The following C5orf34 variants were observed in gnomAD, a reference collection of about 807,000 sequenced individuals.
C5orf34 encodes chromosome 5 open reading frame 34.
C5orf34 carries 73 observed loss-of-function variants against 78.4 expected under a neutral mutation model. The ratio of observed to expected loss-of-function variants is 0.93; its 90% CI spans 0.77 to 1.13. The LOEUF (loss-of-function observed/expected upper bound fraction) is 1.13. Among genes scored for constraint, C5orf34 ranks in the 50% most tolerant of loss-of-function variants. The pLI is 0.00. For missense variants in C5orf34, 730 were observed against 732.7 expected (o/e 1.00, Z 0.04); for synonymous variants, 251 against 246.6 (o/e 1.02, Z -0.17).
rs1335979595 is a variant in C5orf34, at chr5:43,492,829, C to T, written c.1376G>A (p.Ser459Asn). 1 of 1,612,464 alleles carries T rather than the reference C, an allele frequency of 6.2e-7. No homozygotes were observed. Among genetic ancestry groups the T allele is most frequent in the African/African-American group, 1.3e-5 (1 of 74,880 alleles). ...PLVLKESLIP[S>N]VGRFLAYSDD... ...AGAGTAGGCAAGAAATCTTCCCACA[C>T]TGGGTATGAGTGACTCTTTCAAAAC... Residue 459 changes from serine (S) to asparagine (N), a missense_variant, in exon 9 of 13, where the codon AGT (serine) becomes AAT (asparagine). Transcript: ENST00000306862.
At position 43,506,002 on chromosome 5, in the gene C5orf34, C is replaced by T. The variant is rs756157135; in HGVS notation, c.678G>A (p.Ser226=). The change falls in exon 4 of 13, where the codon TCG becomes TCA. Residue 226 remains serine (S), a synonymous_variant. Transcript: ENST00000306862. ...ATACACATGTGTGCTTTGTACCAGG[C>T]GAAGGCAGCTCTTCCCTCCCTTCAG... is the stretch of plus-strand genomic sequence containing the variant. ...NGTEGREELP[S]PGTKHTCVYT... is the part of the protein sequence containing the mutation. 29 of 1,613,992 alleles carry T rather than the reference C, an allele frequency of 1.8e-5. No individual in the cohort carries two copies. The highest frequency in any genetic ancestry group is 3.3e-5 in the Admixed American group (2 of 59,956).
rs1224898422 is a variant in C5orf34, at chr5:43,492,421, G to T, written c.1486-112C>A. The T allele has an allele frequency of 9.8e-6, 7 of 716,570 alleles. No homozygotes were observed. The African/African-American group carries it at 1.1e-4, about 11-fold the overall frequency. 44.4% of individuals were successfully genotyped at this position (716,570 alleles called of 1,614,324 possible). On this transcript the variant is annotated intron_variant, in intron 9 of 12. Transcript: ENST00000306862. ...AATAAGTAGAGGAATCATTAAAGAT[G>T]CAACAGTTTAAATGTTGTTTACATG...
rs374979460 is a variant in C5orf34, at chr5:43,506,683, G to T, written c.286-289C>A. 1.3e-4 allele frequency among the ~76,000 whole-genome samples: 20 copies of T among 151,974 alleles called. No individual in the cohort carries two copies. The East Asian group carries it at 3.9e-3, about 29-fold the overall frequency. On this transcript the variant is annotated intron_variant, in intron 3 of 12. Transcript: ENST00000306862. ...TGTATTTTGGTTTTAAATGTACAAT[G>T]AATTAAACAGATTTGTATCCCTCCC...
At chr5:43,496,575 T>G (rs1418769109) in intron 6 of C5orf34, 1 of 647,164 alleles carries the variant, frequency 1.5e-6, no homozygotes, top group African/African-American at 2.3e-5. Context: ...TTCAAAAGTT[T>G]TTTTTAATTT....
intron 11 of C5orf34, among the ~76,000 whole-genome samples, chr5:43,489,196 G>A (rs1398069578): frequency 3.3e-5 from 5 of 151,512 alleles, no homozygotes; most frequent in Non-Finnish European, 5.9e-5. Flanking sequence ...TTTATGAAAC[G>A]TACTATTTGT....
At chr5:43,489,457 G>T (rs546009540) in intron 11 of C5orf34, among the ~76,000 whole-genome samples, 2 of 152,146 alleles carry the variant, frequency 1.3e-5, no homozygotes, top group South Asian at 4.1e-4. Flanking sequence ...ATCTCTACTT[G>T]CAGTTTTTAG....
At chr5:43,507,225 G>C (rs1283866917) in intron 3 of C5orf34, among the ~76,000 whole-genome samples, 1 of 152,190 alleles carries the variant, frequency 6.6e-6, no homozygotes, top group African/African-American at 2.4e-5. Context: ...TTTCATATAA[G>C]ATATAAACAG....
Position 43,492,703 on chromosome 5 carries a change from G to A in C5orf34, c.1485+17C>T, listed in dbSNP as rs1745332940. The A allele has an allele frequency of 6.3e-7, 1 of 1,595,978 alleles. No individual in the cohort carries two copies. Among genetic ancestry groups the A allele is most frequent in the African/African-American group, 1.4e-5 (1 of 73,896 alleles). The stretch of plus-strand genomic sequence containing the variant: ...GATTACCAATAAAAAATAGATCTAA[G>A]TCTGAAGTATACCCACCTGTCTCTT... On this transcript the variant is annotated intron_variant, in intron 9 of 12. Coordinates refer to ENST00000306862, the MANE Select transcript of C5orf34 (RefSeq NM_198566.4).
At chr5:43,494,693 G>A in intron 6 of C5orf34, 92 bp from the exon 7 acceptor site, 1 of 621,996 alleles carries the variant, frequency 1.6e-6, no homozygotes. Context: ...TTTTACAATA[G>A]TGACAAGACG....
Position 43,509,222 on chromosome 5 carries a change from G to T in C5orf34, c.118C>A (p.Pro40Thr), listed in dbSNP as rs1230691050. ...TCTAAAGGATGTGCTGAAACAGGTG[G>T]TGACTTTTCAAATAAAAATTCAGAG... ...CGSEFLFEKS[P>T]PVSAHPLEQP... Residue 40 changes from proline to threonine, a missense_variant, in exon 2 of 13, where the codon CCA becomes ACA. By Grantham distance (38) the Pro-to-Thr change is conservative. Coordinates refer to ENST00000306862, the MANE Select transcript of C5orf34 (RefSeq NM_198566.4). 6.2e-7 allele frequency: 1 copy of T among 1,614,140 alleles called. No homozygotes were observed. The highest frequency in any genetic ancestry group is 1.3e-5 in the African/African-American group (1 of 75,052).
At chr5:43,495,937 G>A in intron 6 of C5orf34, 1 of 1,591,134 alleles carries the variant, frequency 6.3e-7, no homozygotes, top group Non-Finnish European at 8.5e-7. Flanking sequence ...TGTAAGTGCT[G>A]ACTTCCTTAA....
rs1340519289 is a variant in C5orf34, at chr5:43,503,708, G to T, written c.985C>A (p.Pro329Thr). The part of the protein sequence containing the change: ...LQRQSDEYSY[P>T]ELVKMVWYKG... The stretch of plus-strand genomic sequence containing the variant: ...TACCAAACCATTTTCACTAGTTCAG[G>T]ATAGGAATATTCATCAGATTGTCTC... Residue 329 changes from proline to threonine, a missense_variant, in exon 5 of 13, where the codon CCT (proline) becomes ACT (threonine). Transcript: ENST00000306862. 1.9e-6 allele frequency: 3 copies of T among 1,613,706 alleles called. No homozygotes were observed. In the South Asian group the frequency reaches 3.3e-5, roughly 18 times the overall value.
At chr5:43,489,172 T>C (rs1427864087) in intron 11 of C5orf34, among the ~76,000 whole-genome samples, 1 of 152,086 alleles carries the variant, frequency 6.6e-6, no homozygotes, top group African/African-American at 2.4e-5. Flanking sequence ...ATTGCTCTCA[T>C]AATGAACGAA....
intron 1 of C5orf34, among the ~76,000 whole-genome samples, chr5:43,513,056 A>G (rs1489786969): frequency 6.6e-6 from 1 of 152,068 alleles, no homozygotes; most frequent in Non-Finnish European, 1.5e-5. Context: ...TGCTGGGATT[A>G]CAGGCGTGAG....
intron 6 of C5orf34, among the ~76,000 whole-genome samples, chr5:43,500,299 G>C (rs1024952641): frequency 1.3e-5 from 2 of 151,978 alleles, no homozygotes; most frequent in South Asian, 2.1e-4. Context: ...TTTTCTATTA[G>C]GGTATTTTGG....
At chr5:43,488,384 G>A (rs1745144390) in intron 11 of C5orf34, 1 of 157,090 alleles carries the variant, frequency 6.4e-6, no homozygotes, top group Admixed American at 6.4e-5. Context: ...ATACTTATTT[G>A]TAATATCTTC....
rs1220906365 is a variant in C5orf34, at chr5:43,509,305, T to A, written c.35A>T (p.Asp12Val). The A allele has an allele frequency of 6.2e-7, 1 of 1,613,194 alleles. No individual in the cohort carries two copies. Among genetic ancestry groups the A allele is most frequent in the Non-Finnish European group, 8.5e-7 (1 of 1,179,622 alleles). ...AACATATTGTACTTGTACTGAATCA[T>A]CTTCATAAAGTATCATTCGCAGTTC... is the stretch of plus-strand genomic sequence containing the variant. ...AAELRMILYE[D>V]DSVQVQYVDG... Residue 12 changes from aspartate to valine, a missense_variant, in exon 2 of 13, where the codon GAT becomes GTT. Physicochemically the swap from Asp to Val is radical, Grantham distance 152 (BLOSUM62 -3). Coordinates refer to ENST00000306862, the MANE Select transcript of C5orf34 (RefSeq NM_198566.4).
At position 43,503,733 on chromosome 5, in the gene C5orf34, C is replaced by T; in HGVS notation, c.960G>A (p.Gln320=). The T allele has an allele frequency of 1.2e-6, 2 of 1,613,462 alleles. No individual in the cohort carries two copies. The highest frequency in any genetic ancestry group is 1.3e-5 in the African/African-American group (1 of 75,042). ...GATAGGAATATTCATCAGATTGTCT[C>T]TGTAAAAGTGAATCACAAAAATTCC... ...HRWNFCDSLL[Q]RQSDEYSYPE... is the part of the protein sequence containing the mutation. Residue 320 remains glutamine (Q), a synonymous_variant, in exon 5 of 13, where the codon CAG becomes CAA. Coordinates refer to ENST00000306862, the MANE Select transcript of C5orf34 (RefSeq NM_198566.4).
At chr5:43,488,336 C>T (rs1277238460) in intron 11 of C5orf34, 1 of 181,222 alleles carries the variant, frequency 5.5e-6, no homozygotes, top group African/African-American at 2.4e-5. Context: ...GAACTGCTCT[C>T]TCCTTCCTTG....
Sources: gnomAD v4.1 joint callset for allele counts (sites outside exome capture counted in the v4.1 genomes callset) on GRCh38, gnomAD v4.1.1 for gene constraint, MANE v1.5 for transcripts, NCBI Gene and HGNC (gene_info 2026-07-23, HGNC 2026-07-21) for gene names.